Variants in LIMA1 observed in about 807,000 individuals in gnomAD.
LIMA1 encodes the protein LIM domain and actin-binding protein 1.
Under a neutral mutation model 62.6 loss-of-function variants are expected in LIMA1, and 52 were observed. That is an observed-to-expected ratio of 0.83 (90% CI 0.67 to 1.05). The LOEUF is 1.05. Among genes scored for constraint, LIMA1 ranks in the 50% least tolerant of loss-of-function variants. LIMA1 has a pLI of 0.00. For missense variants in LIMA1, 780 were observed against 902.2 expected (o/e 0.86, Z 1.74); for synonymous variants, 302 against 317.8 (o/e 0.95, Z 0.53).
chr12:50,177,980 C>G lies in LIMA1; in HGVS notation c.1364G>C (p.Gly455Ala). Residue 455 changes from glycine (G) to alanine (A), a missense_variant, in exon 11 of 11, where the codon GGC (glycine) becomes GCC (alanine). Physicochemically the swap from Gly to Ala is moderately conservative, Grantham distance 60. Transcript: ENST00000341247. The part of the protein sequence containing the change: ...LFKSKGNYDE[G>A]FGHRPHKDLW... Reference sequence around the variant, plus strand: ...ATCCTTGTGTGGTCTGTGCCCAAAGCCTTCATCATAGTTGCCCTTAGATTT... The same window carrying G: ...ATCCTTGTGTGGTCTGTGCCCAAAGGCTTCATCATAGTTGCCCTTAGATTT... 1 of 1,606,348 alleles carries G rather than the reference C, an allele frequency of 6.2e-7. No individual in the cohort carries two copies. Among genetic ancestry groups the G allele is most frequent in the Non-Finnish European group, 8.5e-7 (1 of 1,177,870 alleles).
intron 8 of LIMA1, among the ~76,000 whole-genome samples, chr12:50,193,177 C>T (rs1017761460): frequency 1.3e-5 from 2 of 151,906 alleles, no homozygotes; most frequent in African/African-American, 4.8e-5. Flanking sequence ...GGTGAGTCAA[C>T]AAAGTACTAA....
intron 8 of LIMA1, among the ~76,000 whole-genome samples, chr12:50,192,871 A>T (rs1283349545): frequency 6.6e-6 from 1 of 152,220 alleles, no homozygotes; most frequent in Non-Finnish European, 1.5e-5. Flanking sequence ...AAGGCCGTTT[A>T]TAGACTTAGA....
intron 1 of LIMA1, among the ~76,000 whole-genome samples, chr12:50,253,801 G>C (rs1261377334): frequency 6.6e-6 from 1 of 151,494 alleles, no homozygotes; most frequent in Non-Finnish European, 1.5e-5. Flanking sequence ...TGAGGCAGGC[G>C]GATCACCTGA....
chr12:50,225,741 G>A (rs901831899), intron 3 of LIMA1, among the ~76,000 whole-genome samples: 3 of 152,026 alleles, frequency 2.0e-5, no homozygotes, highest in Non-Finnish European at 2.9e-5. Flanking sequence ...TAGTAGAGAC[G>A]GGGTTTCACC....
intron 1 of LIMA1, among the ~76,000 whole-genome samples, chr12:50,261,042 A>ATATATTTTTTTTTTTTTTTTTT (rs1383547189): frequency 1.8e-5 from 1 of 54,292 alleles, no homozygotes; most frequent in African/African-American, 7.2e-5. Flanking sequence ...CATCTAGTAT[A>ATATATTTTTTTTTTTTTTTTTT]TTTTTTTTTT....
chr12:50,231,814 C>T, intron 2 of LIMA1, 104 bp from the exon 3 acceptor site: 1 of 1,103,608 alleles, frequency 9.1e-7, no homozygotes, highest in Non-Finnish European at 1.3e-6. Context: ...ATTGCCCAGG[C>T]TGCAGTGCAG....
intron 2 of LIMA1, among the ~76,000 whole-genome samples, chr12:50,232,253 G>A (rs1941623147): frequency 6.6e-6 from 1 of 150,968 alleles, no homozygotes. Context: ...GTAGAGATGG[G>A]GTCTTGCCAT....
intron 1 of LIMA1, among the ~76,000 whole-genome samples, chr12:50,253,821 T>C (rs144118353): frequency 0.021 from 3,186 of 149,670 alleles, 109 homozygotes; most frequent in African/African-American, 0.075. Flanking sequence ...AGGTCAGGAG[T>C]TCCGGACCCA....
chr12:50,187,081 G>C (rs1247078179), intron 9 of LIMA1: 1 of 152,162 alleles, frequency 6.6e-6, no homozygotes. Context: ...ATAAATAATT[G>C]ATGTTCATAA....
At chr12:50,230,613 CAG>C (rs1941596639) in intron 3 of LIMA1, among the ~76,000 whole-genome samples, 1 of 151,922 alleles carries the variant, frequency 6.6e-6, no homozygotes, top group African/African-American at 2.4e-5. Context: ...TGGCTGACTG[CAG>C]AGTCAAGCTG....
chr12:50,185,457 G>C (rs1437541510), intron 9 of LIMA1: 1 of 456,182 alleles, frequency 2.2e-6, no homozygotes, highest in Admixed American at 2.3e-5. Flanking sequence ...AGCTGGAAGA[G>C]ACAAACAGGA....
intron 3 of LIMA1, among the ~76,000 whole-genome samples, chr12:50,223,488 C>CAAA (rs5798135): frequency 1.5e-5 from 2 of 131,962 alleles, no homozygotes; most frequent in African/African-American, 2.8e-5. Flanking sequence ...ATCCCCCAAC[C>CAAA]AAAAAAAAAA....
At chr12:50,253,922 G>C (rs867569154) in intron 1 of LIMA1, among the ~76,000 whole-genome samples, 1 of 151,876 alleles carries the variant, frequency 6.6e-6, no homozygotes. Context: ...CAGCTACTTG[G>C]GAGGCTGAGG....
chr12:50,189,080 T>G (rs1565830222), intron 9 of LIMA1: 1 of 152,256 alleles, frequency 6.6e-6, no homozygotes, highest in Non-Finnish European at 1.5e-5. Context: ...AACACAGCCA[T>G]GCGGAGCACA....
chr12:50,215,753 G>A (rs914374879), intron 4 of LIMA1, among the ~76,000 whole-genome samples: 21 of 152,046 alleles, frequency 1.4e-4, no homozygotes, highest in Admixed American at 1.3e-4. Context: ...GATTACAGGC[G>A]CGAGCCACCG....
intron 9 of LIMA1, chr12:50,185,245 C>G (rs1940603922): frequency 2.5e-6 from 1 of 392,162 alleles, no homozygotes; most frequent in African/African-American, 2.1e-5. Flanking sequence ...GAGATGGATA[C>G]TGTTCTGCTA....
At chr12:50,196,071 T>A (rs1257153571) in intron 7 of LIMA1, 184 bp from the exon 8 acceptor site, 3 of 558,678 alleles carry the variant, frequency 5.4e-6, no homozygotes, top group African/African-American at 3.9e-5. Context: ...ATGTCTTTTA[T>A]GAGGATATTA....
intron 1 of LIMA1, among the ~76,000 whole-genome samples, chr12:50,251,651 T>C (rs1941932513): frequency 6.6e-6 from 1 of 151,494 alleles, no homozygotes; most frequent in South Asian, 2.1e-4. Context: ...AAAGGTATGT[T>C]TCTAAAAAAG....
chr12:50,178,327 G>A lies in LIMA1; in HGVS notation c.1275-258C>T, dbSNP rs574677678. 4.6e-5 allele frequency among the ~76,000 whole-genome samples: 7 copies of A among 152,106 alleles called. No individual in the cohort carries two copies. The East Asian group carries it at 5.8e-4, about 13-fold the overall frequency. ...TTTGGGAGGCCAGGGTGAGAGGATC[G>A]CTTGAGCCCAGGAGTTTGAGACCAG... On this transcript the variant is annotated intron_variant, in intron 10 of 10. Transcript: ENST00000341247.
Sources: allele counts gnomAD v4.1 joint callset (sites outside exome capture counted in the v4.1 genomes callset), GRCh38; gene constraint gnomAD v4.1.1; transcripts MANE v1.5; gene names NCBI Gene and HGNC (gene_info 2026-07-23, HGNC 2026-07-21).